Variants in ACAD10 observed in about 807,000 individuals in gnomAD.
ACAD10 encodes the protein ACAD-10.
Under a neutral mutation model 116.8 loss-of-function variants are expected in ACAD10, and 112 were observed. The ratio of observed to expected loss-of-function variants is 0.96; its 90% CI spans 0.82 to 1.12. The LOEUF (loss-of-function observed/expected upper bound fraction) is 1.12, where lower values mean the gene tolerates loss of function less well. Ranked by LOEUF, ACAD10 falls within the 50% of genes most tolerant of loss-of-function variation. The pLI is 0.00. For missense variants in ACAD10, 1,259 were observed against 1,350.2 expected, an observed-to-expected ratio of 0.93 and a Z score of 1.06; for synonymous variants, 486 against 510.6, an observed-to-expected ratio of 0.95 and a Z score of 0.65.
chr12:111,723,879 C>T (rs1303461437), intron 8 of ACAD10, among the ~76,000 whole-genome samples: 1 of 150,540 alleles, frequency 6.6e-6, no homozygotes, highest in Non-Finnish European at 1.5e-5. Flanking sequence ...ACAGGGCGGC[C>T]GGGCAGGGAC....
In ACAD10 at chr12:111,756,479, T is replaced by C; in HGVS notation, c.*6T>C. On this transcript the variant is annotated 3_prime_UTR_variant, in exon 21 of 21. Coordinates refer to ENST00000313698, the MANE Select transcript of ACAD10 (RefSeq NM_025247.6). Reference sequence around the variant, plus strand: ...AGCTGAAGCACCGCATTTAGAGCCTTGGGGCTGCAGTGGCTCAATGTCCTG... The same window carrying C: ...AGCTGAAGCACCGCATTTAGAGCCTCGGGGCTGCAGTGGCTCAATGTCCTG... The C allele has an allele frequency of 1.2e-6, 2 of 1,611,670 alleles. No individual in the cohort carries two copies. The highest frequency in any genetic ancestry group is 1.7e-6 in the Non-Finnish European group (2 of 1,179,660).
chr12:111,712,092 C>T (rs1013625465), intron 5 of ACAD10, among the ~76,000 whole-genome samples: 7 of 152,196 alleles, frequency 4.6e-5, no homozygotes, highest in African/African-American at 1.7e-4. Context: ...TGTAAAGTCT[C>T]GTTCCAGCCA....
chr12:111,737,875 C>T (rs1394884771), intron 12 of ACAD10, among the ~76,000 whole-genome samples: 2 of 149,690 alleles, frequency 1.3e-5, no homozygotes, highest in Non-Finnish European at 2.9e-5. Flanking sequence ...TGTGTTGAGA[C>T]AGTTTCTCAC....
At chr12:111,705,277 G>A (rs140065422) in intron 3 of ACAD10, among the ~76,000 whole-genome samples, 282 of 151,994 alleles carry the variant, frequency 1.9e-3, no homozygotes, top group Middle Eastern at 0.01. Flanking sequence ...TCAGGCTAGA[G>A]TGCAATGGCT....
Position 111,748,387 on chromosome 12 carries a change from G to A in ACAD10, c.2556G>A (p.Arg852=). 2 of 1,614,132 alleles carry A rather than the reference G, an allele frequency of 1.2e-6. No individual in the cohort carries two copies. The highest frequency in any genetic ancestry group is 1.7e-6 in the Non-Finnish European group (2 of 1,180,030). Residue 852 remains arginine (R), a synonymous_variant, in exon 17 of 21, where the codon CGG becomes CGA. Transcript: ENST00000313698. The part of the protein sequence containing the change: ...GKTDPHAPRH[R]QQSVLLVPMD... ...CAGACCCACATGCACCAAGACACCG[G>A]CAGCAGTCTGTGCTCTTGGTTCCCA...
At position 111,703,101 on chromosome 12, in the gene ACAD10, AATT is replaced by A. The variant is rs57990486; in HGVS notation, c.336+792_336+794del. Reference sequence around the variant, plus strand: ...TCTGTCTCAAAAAAAAAAAAAAAAAAATTCTTTACTAAGTTCCTCCAGCATATA... The same window carrying A: ...TCTGTCTCAAAAAAAAAAAAAAAAAACTTTACTAAGTTCCTCCAGCATATA... On this transcript the variant is annotated intron_variant, in intron 3 of 20. Transcript: ENST00000313698. Among the ~76,000 whole-genome samples, 5,347 of 151,416 alleles carry A rather than the reference AATT, an allele frequency of 0.035. 960 individuals are homozygous for A. In the East Asian group the frequency reaches 0.59, roughly 17 times the overall value.
chr12:111,689,255 C>T (rs1446276741), intron 1 of ACAD10, among the ~76,000 whole-genome samples: 1 of 151,578 alleles, frequency 6.6e-6, no homozygotes, highest in Non-Finnish European at 1.5e-5. Context: ...AATATATATA[C>T]ATGCATATAT....
intron 18 of ACAD10, chr12:111,749,713 A>G: frequency 1.1e-5 from 2 of 180,938 alleles, no homozygotes; most frequent in Non-Finnish European, 2.3e-5. Flanking sequence ...GGTTGCTTGA[A>G]GCCAAGCATT....
chr12:111,734,093 T>A, intron 11 of ACAD10, 25 bp downstream of exon 11: 1 of 1,613,664 alleles, frequency 6.2e-7, no homozygotes, highest in South Asian at 1.1e-5. Context: ...TGGAGGATAG[T>A]GGGGGAGCAA....
At chr12:111,755,388 G>A (rs1890180655) in intron 19 of ACAD10, among the ~76,000 whole-genome samples, 1 of 152,122 alleles carries the variant, frequency 6.6e-6, no homozygotes, top group Non-Finnish European at 1.5e-5. Flanking sequence ...TCACAGGCCT[G>A]AACCACCGCG....
intron 19 of ACAD10, among the ~76,000 whole-genome samples, chr12:111,755,259 C>G (rs79060584): frequency 6.6e-6 from 1 of 152,112 alleles, no homozygotes; most frequent in Non-Finnish European, 1.5e-5. Flanking sequence ...TGCACCATCA[C>G]GCCCAGCTAA....
At chr12:111,695,779 C>T (rs567541433) in intron 2 of ACAD10, among the ~76,000 whole-genome samples, 2 of 151,932 alleles carry the variant, frequency 1.3e-5, no homozygotes, top group Non-Finnish European at 2.9e-5. Context: ...TTTGGGAGGA[C>T]GAGATGGGCG....
chr12:111,731,489 G>A (rs1052584033), intron 10 of ACAD10, among the ~76,000 whole-genome samples: 1 of 152,190 alleles, frequency 6.6e-6, no homozygotes, highest in Non-Finnish European at 1.5e-5. Flanking sequence ...CAGCTGCTCC[G>A]TGGACCTTGT....
At chr12:111,715,520 G>T in intron 6 of ACAD10, 1 of 332,304 alleles carries the variant, frequency 3.0e-6, no homozygotes, top group Non-Finnish European at 5.7e-6. Flanking sequence ...TTTTATTCAT[G>T]GAGCAGGAGC....
intron 2 of ACAD10, among the ~76,000 whole-genome samples, chr12:111,698,935 A>C (rs1888271118): frequency 6.6e-6 from 1 of 152,100 alleles, no homozygotes. Context: ...GCTAAAGTGC[A>C]GTGGAGTGAC....
Position 111,746,209 on chromosome 12 carries a change from A to T in ACAD10, c.2181A>T (p.Lys727Asn). The T allele has an allele frequency of 3.1e-6, 5 of 1,613,994 alleles. No homozygotes were observed. The highest frequency in any genetic ancestry group is 4.2e-6 in the Non-Finnish European group (5 of 1,180,028). ...CCTTAGAGGCTGATCCCGAGAAAAA[A>T]TACGGAGCAGGACTGACCAATGTGG... Reference protein sequence around the residue: ...FLPLEADPEKKYGAGLTNVEY... With the variant: ...FLPLEADPEKNYGAGLTNVEY... Residue 727 changes from lysine (K) to asparagine (N), a missense_variant, in exon 14 of 21, where the codon AAA (lysine) becomes AAT (asparagine). Coordinates refer to ENST00000313698, the MANE Select transcript of ACAD10 (RefSeq NM_025247.6).
At chr12:111,732,057 G>GA (rs1324034277) in intron 10 of ACAD10, among the ~76,000 whole-genome samples, 4 of 152,014 alleles carry the variant, frequency 2.6e-5, no homozygotes, top group African/African-American at 9.7e-5. Context: ...CTCCAGCCTG[G>GA]GTGACAGAGT....
chr12:111,735,192 C>T (rs891271329), intron 11 of ACAD10, among the ~76,000 whole-genome samples: 4 of 147,614 alleles, frequency 2.7e-5, no homozygotes, highest in African/African-American at 1.0e-4. Context: ...CCACTGCACT[C>T]GAGCCTAGGC....
intron 12 of ACAD10, among the ~76,000 whole-genome samples, chr12:111,738,621 C>T (rs776300495): frequency 2.0e-5 from 3 of 151,950 alleles, no homozygotes; most frequent in Non-Finnish European, 1.5e-5. Flanking sequence ...AATCCCAGCA[C>T]TTTGGGAGGC....
Sources: gnomAD v4.1 joint callset for allele counts (sites outside exome capture counted in the v4.1 genomes callset) on GRCh38, gnomAD v4.1.1 for gene constraint, MANE v1.5 for transcripts, NCBI Gene and HGNC (gene_info 2026-07-23, HGNC 2026-07-21) for gene names.